FRY: variants seen among roughly 807,000 people sequenced by gnomAD.
FRY encodes FRY microtubule binding protein, also known as protein furry homolog.
Under a neutral mutation model 348.4 loss-of-function variants are expected in FRY, and 128 were observed. The ratio of observed to expected loss-of-function variants is 0.37; its 90% CI spans 0.32 to 0.43. The LOEUF (loss-of-function observed/expected upper bound fraction) is 0.43, where lower values mean the gene tolerates loss of function less well. Among genes scored for constraint, FRY ranks in the 20% least tolerant of loss-of-function variants. The pLI is 1.00. For missense variants in FRY, 2,736 were observed against 3,695.2 expected (o/e 0.74, Z 6.73); for synonymous variants, 1,370 against 1,374.7 (o/e 1.00, Z 0.08).
intron 2 of FRY, among the ~76,000 whole-genome samples, chr13:32,088,190 GCTGTTGCTTCAA>G (rs958009269): frequency 5.3e-5 from 8 of 152,302 alleles, no homozygotes; most frequent in African/African-American, 1.9e-4. Flanking sequence ...AATAGAGGCT[GCTGTTGCTTCAA>G]CAGACCAAAT....
intron 1 of FRY, among the ~76,000 whole-genome samples, chr13:32,034,479 G>T (rs573204648): frequency 2.6e-5 from 4 of 152,136 alleles, no homozygotes; most frequent in Non-Finnish European, 4.4e-5. Context: ...GAATTAAAAT[G>T]GCCTTGATGT....
chr13:32,036,677 A>G (rs1872528562), intron 1 of FRY, among the ~76,000 whole-genome samples: 1 of 151,874 alleles, frequency 6.6e-6, no homozygotes, highest in African/African-American at 2.4e-5. Context: ...AGGACGCCAT[A>G]TGACCACTCT....
chr13:32,202,898 G>A (rs1248474377), intron 31 of FRY, among the ~76,000 whole-genome samples: 2 of 150,490 alleles, frequency 1.3e-5, no homozygotes, highest in African/African-American at 2.5e-5. Context: ...GCAGTGAGCC[G>A]AGATTGCGCC....
At chr13:32,278,219 C>A (rs537925914) in intron 57 of FRY, among the ~76,000 whole-genome samples, 2 of 152,270 alleles carry the variant, frequency 1.3e-5, no homozygotes, top group South Asian at 4.1e-4. Flanking sequence ...TTCCCTAGGG[C>A]AACACAGTAT....
chr13:32,144,104 T>G (rs1880250976), intron 11 of FRY, among the ~76,000 whole-genome samples: 1 of 152,044 alleles, frequency 6.6e-6, no homozygotes, highest in Non-Finnish European at 1.5e-5. Context: ...TCTGAAATTT[T>G]TAAATGAGCG....
Position 32,187,806 on chromosome 13 carries a change from T to C in FRY, c.3591+150T>C, listed in dbSNP as rs1883111325. 47 of 645,198 alleles carry C rather than the reference T, an allele frequency of 7.3e-5. No individual in the cohort carries two copies. The South Asian group carries it at 7.9e-4, about 11-fold the overall frequency. 40.0% of individuals were successfully genotyped at this position (645,198 alleles called of 1,614,324 possible). ...ATGTGTTGTTTGCTTTACGCTATGA[T>C]ACATCAAGATAAAAAAGATAGTAAC... is the stretch of plus-strand genomic sequence containing the variant. On this transcript the variant is annotated intron_variant, in intron 28 of 60. Coordinates refer to ENST00000542859, the MANE Select transcript of FRY (RefSeq NM_023037.3).
chr13:32,294,384 G>T lies in FRY; in HGVS notation c.8597G>T (p.Arg2866Met), dbSNP rs1353685178. ...TTTAAATAGCTGCTGAATATGTCCA[G>T]GGAACTGAGTGACCTAAAGAAACAC... is the stretch of plus-strand genomic sequence containing the variant. Reference protein sequence around the residue: ...SSMPELLNMSRELSDLKKHLK... With the variant: ...SSMPELLNMSMELSDLKKHLK... Residue 2866 changes from arginine to methionine, a missense_variant, in exon 60 of 61, where the codon AGG becomes ATG. By Grantham distance (91) the Arg-to-Met change is moderately conservative. Around this residue, in one of 9 missense-constraint regions of FRY, gnomAD observed 157 missense variants for 215.2 expected, o/e 0.73. Coordinates refer to ENST00000542859, the MANE Select transcript of FRY (RefSeq NM_023037.3). The T allele has an allele frequency of 3.7e-6, 6 of 1,613,042 alleles. No individual in the cohort carries two copies. The highest frequency in any genetic ancestry group is 5.1e-6 in the Non-Finnish European group (6 of 1,179,152).
intron 11 of FRY, among the ~76,000 whole-genome samples, chr13:32,145,638 G>A (rs951681650): frequency 2.1e-5 from 3 of 146,124 alleles, no homozygotes; most frequent in African/African-American, 7.7e-5. Flanking sequence ...TCCGCTTCCC[G>A]GGTTCACGCC....
chr13:32,197,990 T>C (rs995035587), intron 29 of FRY, among the ~76,000 whole-genome samples: 1 of 152,266 alleles, frequency 6.6e-6, no homozygotes, highest in Non-Finnish European at 1.5e-5. Flanking sequence ...TTGAAAGGTA[T>C]AAGATTCCAT....
intron 36 of FRY, among the ~76,000 whole-genome samples, chr13:32,222,057 T>TG (rs1885344017): frequency 6.6e-6 from 1 of 151,792 alleles, no homozygotes. Context: ...TGATTGGGGT[T>TG]GGGGGTCAAT....
chr13:32,259,210 C>G (rs1887498466), intron 51 of FRY, among the ~76,000 whole-genome samples: 1 of 152,118 alleles, frequency 6.6e-6, no homozygotes, highest in Non-Finnish European at 1.5e-5. Flanking sequence ...GGTGGGTCTC[C>G]CACTAGGGCC....
chr13:32,193,166 A>G (rs1353796664), intron 28 of FRY, among the ~76,000 whole-genome samples: 1 of 150,990 alleles, frequency 6.6e-6, no homozygotes, highest in Non-Finnish European at 1.5e-5. Flanking sequence ...TCATCGATTC[A>G]GCATCCTATT....
chr13:32,179,677 C>G lies in FRY; in HGVS notation c.2874C>G (p.Ala958=). ...PDGTVSYDNK[A]IGTPSVGVLL... ...CACTTGTATTCAACTTATTTCAGGCCATAGGCACCCCATCGGTGGGAGTTC... is the reference window on the plus strand; with the variant it reads ...CACTTGTATTCAACTTATTTCAGGCGATAGGCACCCCATCGGTGGGAGTTC... Residue 958 remains alanine (A), a splice_region_variant and synonymous_variant, in exon 23 of 61, where the codon GCC becomes GCG. Transcript: ENST00000542859. The G allele has an allele frequency of 6.2e-7, 1 of 1,613,992 alleles. No individual in the cohort carries two copies.
chr13:32,194,274 C>G lies in FRY; in HGVS notation c.3723C>G (p.Ala1241=). 1 of 1,614,098 alleles carries G rather than the reference C, an allele frequency of 6.2e-7. No homozygotes were observed. The highest frequency in any genetic ancestry group is 8.5e-7 in the Non-Finnish European group (1 of 1,179,968). The stretch of plus-strand genomic sequence containing the variant: ...AACTTGCATCTGGCTGCTTCAAAGC[C>G]ATAGCAACTGTGTGTGGAAGCAGGT... ...SYQLASGCFK[A]IATVCGSRNY... is the part of the protein sequence containing the mutation. The change falls in exon 29 of 61, where the codon GCC becomes GCG. Residue 1241 remains alanine, a synonymous_variant. Transcript: ENST00000542859.
At chr13:32,156,417 C>T (rs1220343749) in intron 15 of FRY, among the ~76,000 whole-genome samples, 1 of 152,140 alleles carries the variant, frequency 6.6e-6, no homozygotes, top group African/African-American at 2.4e-5. Context: ...ACCTGACCAA[C>T]ATGGAGAAAC....
At position 32,149,816 on chromosome 13, in the gene FRY, A is replaced by G; in HGVS notation, c.1461A>G (p.Ala487=). The G allele has an allele frequency of 6.2e-7, 1 of 1,605,668 alleles. No individual in the cohort carries two copies. The highest frequency in any genetic ancestry group is 8.5e-7 in the Non-Finnish European group (1 of 1,172,294). Reference sequence around the variant, plus strand: ...TTTGTGTGGGAAAACCAGCAAAAGCATTCAGTCTCAACCCAGAGGTATGAA... The same window carrying G: ...TTTGTGTGGGAAAACCAGCAAAAGCGTTCAGTCTCAACCCAGAGGTATGAA... ...DFLCVGKPAK[A]FSLNPERMNI... Residue 487 remains alanine (A), a synonymous_variant, in exon 14 of 61, where the codon GCA becomes GCG. Transcript: ENST00000542859.
intron 17 of FRY, among the ~76,000 whole-genome samples, chr13:32,161,826 C>T (rs1218002195): frequency 2.0e-5 from 3 of 152,188 alleles, no homozygotes; most frequent in Admixed American, 6.5e-5. Flanking sequence ...TTATCACCTT[C>T]CCAATGCACA....
chr13:32,137,688 G>T (rs1195889832), intron 11 of FRY, among the ~76,000 whole-genome samples: 1 of 152,168 alleles, frequency 6.6e-6, no homozygotes, highest in African/African-American at 2.4e-5. Flanking sequence ...TAACATAAGT[G>T]CAAATAGGAT....
intron 2 of FRY, among the ~76,000 whole-genome samples, chr13:32,099,254 A>G (rs890193630): frequency 1.3e-5 from 2 of 151,726 alleles, no homozygotes; most frequent in African/African-American, 2.4e-5. Context: ...TAACAAAGAC[A>G]TATATATATG....
Sources: gnomAD v4.1 joint callset for allele counts (sites outside exome capture counted in the v4.1 genomes callset) on GRCh38, gnomAD v4.1.1 for gene constraint, gnomAD v4.1.1 regional missense constraint, MANE v1.5 for transcripts, NCBI Gene and HGNC (gene_info 2026-07-23, HGNC 2026-07-21) for gene names.